MPPED1: variants seen among roughly 807,000 people sequenced by gnomAD.
The protein encoded by MPPED1 is metallophosphoesterase domain-containing protein 1.
Under a neutral mutation model 36.2 loss-of-function variants are expected in MPPED1, and 16 were observed. The ratio of observed to expected loss-of-function variants is 0.44; its 90% confidence interval spans 0.30 to 0.67. MPPED1 has a LOEUF of 0.67. Ranked by LOEUF, MPPED1 falls within the 30% of genes least tolerant of loss-of-function variation. The pLI, the probability that MPPED1 is intolerant of heterozygous loss-of-function variation, is 0.10. For missense variants in MPPED1, 307 were observed against 453.4 expected, an observed-to-expected ratio of 0.68 and a Z score of 2.93; for synonymous variants, 199 against 191.3, an observed-to-expected ratio of 1.04 and a Z score of -0.33.
chr22:43,491,101 T>A (rs904764339), intron 4 of MPPED1, among the ~76,000 whole-genome samples: 1 of 152,236 alleles, frequency 6.6e-6, no homozygotes, highest in Non-Finnish European at 1.5e-5. Context: ...GGGGAGCTGA[T>A]GTTTTCTATT....
chr22:43,430,110 C>T (rs534151884), intron 2 of MPPED1, among the ~76,000 whole-genome samples: 47 of 152,284 alleles, frequency 3.1e-4, no homozygotes, highest in Admixed American at 8.5e-4. Context: ...GAGGTCCTTT[C>T]CTACTAAAGG....
At chr22:43,468,668 G>T (rs942305394) in intron 3 of MPPED1, among the ~76,000 whole-genome samples, 1 of 152,146 alleles carries the variant, frequency 6.6e-6, no homozygotes, top group Admixed American at 6.5e-5. Context: ...AGGCCTCTTG[G>T]TGGTGTCTGA....
chr22:43,476,731 T>A (rs1931589911), intron 4 of MPPED1, among the ~76,000 whole-genome samples: 2 of 151,946 alleles, frequency 1.3e-5, no homozygotes, highest in Admixed American at 1.3e-4. Context: ...ATGTACAGGG[T>A]CTTGGTGAAC....
At chr22:43,415,015 G>A (rs1035168674) in intron 1 of MPPED1, among the ~76,000 whole-genome samples, 1 of 152,022 alleles carries the variant, frequency 6.6e-6, no homozygotes, top group Non-Finnish European at 1.5e-5. Context: ...CAACACTTGG[G>A]GGTGGCAGGG....
intron 2 of MPPED1, among the ~76,000 whole-genome samples, chr22:43,433,853 AAC>A (rs1284081494): frequency 6.6e-6 from 1 of 152,252 alleles, no homozygotes. Context: ...ATTAGATTTA[AAC>A]ACAACTCCTC....
chr22:43,478,017 CTATT>C (rs1470004046), intron 4 of MPPED1, among the ~76,000 whole-genome samples: 2 of 152,164 alleles, frequency 1.3e-5, no homozygotes, highest in Non-Finnish European at 2.9e-5. Flanking sequence ...AAGAGGATAA[CTATT>C]TAGTTTTATT....
At chr22:43,430,572 T>C (rs1003837148) in intron 2 of MPPED1, among the ~76,000 whole-genome samples, 3 of 152,086 alleles carry the variant, frequency 2.0e-5, no homozygotes, top group African/African-American at 4.8e-5. Context: ...AGAAGATCGG[T>C]GTAGGCTGGG....
chr22:43,432,832 AGAGAGAGAGAAAGGGAG>A (rs1929794213), intron 2 of MPPED1, among the ~76,000 whole-genome samples: 27 of 15,300 alleles, frequency 1.8e-3, no homozygotes, highest in African/African-American at 2.3e-3. Context: ...GAAAGGGAGG[AGAGAGAGAGAAAGGGAG>A]GAGAGAGAGA....
chr22:43,437,809 C>T (rs555017516), intron 3 of MPPED1, among the ~76,000 whole-genome samples: 9 of 152,234 alleles, frequency 5.9e-5, no homozygotes, highest in South Asian at 4.2e-4. Flanking sequence ...CATGAACTGG[C>T]GTCTACCAGA....
At chr22:43,447,109 T>C (rs994211838) in intron 3 of MPPED1, among the ~76,000 whole-genome samples, 21 of 152,128 alleles carry the variant, frequency 1.4e-4, no homozygotes, top group African/African-American at 4.8e-4. Context: ...AGAGGATGTA[T>C]GCCAAGCGTG....
intron 4 of MPPED1, among the ~76,000 whole-genome samples, chr22:43,495,492 T>TGGTGGTGGTGG (rs1569088637): frequency 5.7e-5 from 1 of 17,654 alleles, no homozygotes; most frequent in African/African-American, 9.5e-4. Flanking sequence ...GTGGTGGAGG[T>TGGTGGTGGTGG]AGTGGTGGTG....
chr22:43,488,830 G>A (rs376945618), intron 4 of MPPED1, among the ~76,000 whole-genome samples: 32 of 152,352 alleles, frequency 2.1e-4, no homozygotes, highest in Middle Eastern at 3.4e-3. Context: ...ATTCGCATCC[G>A]TCCGCCCTCC....
At chr22:43,481,542 G>C (rs1931749388) in intron 4 of MPPED1, among the ~76,000 whole-genome samples, 1 of 152,176 alleles carries the variant, frequency 6.6e-6, no homozygotes, top group South Asian at 2.1e-4. Flanking sequence ...TGAATGAGTG[G>C]ATGAGTGACC....
At chr22:43,439,154 C>CT (rs1431688821) in intron 3 of MPPED1, among the ~76,000 whole-genome samples, 1 of 152,224 alleles carries the variant, frequency 6.6e-6, no homozygotes, top group Non-Finnish European at 1.5e-5. Context: ...GTCAGCTCGG[C>CT]TGTGACTGGT....
chr22:43,419,878 A>G (rs1379141502), intron 1 of MPPED1, among the ~76,000 whole-genome samples: 1 of 152,012 alleles, frequency 6.6e-6, no homozygotes, highest in African/African-American at 2.4e-5. Context: ...TTCTCCTTGG[A>G]GCACCCTGGC....
intron 4 of MPPED1, among the ~76,000 whole-genome samples, chr22:43,482,834 T>TCCTTC (rs1414654597): frequency 1.3e-5 from 2 of 152,206 alleles, no homozygotes; most frequent in Non-Finnish European, 2.9e-5. Flanking sequence ...TGACGTCCGT[T>TCCTTC]CCTTCCCTTC....
chr22:43,504,814 ATGG>A (rs1333701723), intron 6 of MPPED1, among the ~76,000 whole-genome samples: 5 of 150,704 alleles, frequency 3.3e-5, no homozygotes, highest in East Asian at 3.9e-4. Flanking sequence ...GATGGGGATG[ATGG>A]TGGTGATGAT....
chr22:43,414,994 C>G (rs1004943255), intron 1 of MPPED1, among the ~76,000 whole-genome samples: 4 of 152,026 alleles, frequency 2.6e-5, no homozygotes, highest in African/African-American at 9.7e-5. Flanking sequence ...CCCTCTAGGA[C>G]CAGAAGTGTC....
intron 3 of MPPED1, among the ~76,000 whole-genome samples, chr22:43,450,749 A>C (rs1328735661): frequency 1.3e-5 from 2 of 151,820 alleles, no homozygotes; most frequent in African/African-American, 4.8e-5. Flanking sequence ...TTTTTGAGTC[A>C]GAGTTTCGTT....
Sources: gnomAD v4.1 joint callset for allele counts (sites outside exome capture counted in the v4.1 genomes callset) on GRCh38, gnomAD v4.1.1 for gene constraint, MANE v1.5 for transcripts, NCBI Gene and HGNC (gene_info 2026-07-23, HGNC 2026-07-21) for gene names.